HDGFL2: variants seen among roughly 807,000 people sequenced by gnomAD.
HDGFL2 encodes hepatoma-derived growth factor-related protein 2.
Under a neutral mutation model 77.1 loss-of-function variants are expected in HDGFL2, and 36 were observed. The ratio of observed to expected loss-of-function variants is 0.47; its 90% CI spans 0.36 to 0.62. The LOEUF is 0.62. HDGFL2 is among the 20% of genes least tolerant of loss of function. The pLI, the probability that HDGFL2 is intolerant of heterozygous loss-of-function variation, is 0.00. For synonymous variants in HDGFL2, 463 were observed against 413.1 expected, an observed-to-expected ratio of 1.12 and a Z score of -1.46; for missense variants, 976 against 973.4, an observed-to-expected ratio of 1.00 and a Z score of -0.04.
At chr19:4,499,143 C>T (rs966704247) in intron 13 of HDGFL2, among the ~76,000 whole-genome samples, 89 of 151,760 alleles carry the variant, frequency 5.9e-4, no homozygotes, top group Non-Finnish European at 9.1e-4. Flanking sequence ...GTCAGGAGAT[C>T]AAGACCATCC....
At chr19:4,477,547 C>T (rs1016473630) in intron 3 of HDGFL2, among the ~76,000 whole-genome samples, 1 of 152,146 alleles carries the variant, frequency 6.6e-6, no homozygotes, top group Non-Finnish European at 1.5e-5. Context: ...TTTCTGGCCC[C>T]AGGTCAAGTT....
intron 1 of HDGFL2, among the ~76,000 whole-genome samples, chr19:4,473,042 G>A (rs1442955035): frequency 6.6e-6 from 1 of 150,910 alleles, no homozygotes; most frequent in African/African-American, 2.4e-5. Context: ...GGGCCCGAGG[G>A]AGTCGCACCT....
intron 14 of HDGFL2, 126 bp downstream of exon 14, chr19:4,499,830 TC>T: frequency 1.2e-6 from 1 of 804,938 alleles, no homozygotes; most frequent in Non-Finnish European, 1.9e-6. Flanking sequence ...GAGTGTCATG[TC>T]CTGTTGGGGT....
intron 3 of HDGFL2, among the ~76,000 whole-genome samples, chr19:4,482,685 C>T (rs188291073): frequency 6.6e-6 from 1 of 152,148 alleles, no homozygotes; most frequent in South Asian, 2.1e-4. Context: ...GCTTCGAGGC[C>T]AAGACCTGCT....
chr19:4,498,675 G>A (rs963238105), intron 12 of HDGFL2, 139 bp from the exon 13 acceptor site: 17 of 637,016 alleles, frequency 2.7e-5, no homozygotes, highest in African/African-American at 1.3e-4. Flanking sequence ...TCAACTGGAC[G>A]GGGGCTGAGG....
chr19:4,498,276 G>A (rs1357471631), intron 11 of HDGFL2, 30 bp from the exon 12 acceptor site: 11 of 1,595,790 alleles, frequency 6.9e-6, no homozygotes, highest in Non-Finnish European at 9.4e-6. Context: ...CCCTGCCTGG[G>A]CCCACACGGT....
chr19:4,491,261 ACCCCCCC>A (rs1975501438), intron 4 of HDGFL2, among the ~76,000 whole-genome samples: 1 of 22,700 alleles, frequency 4.4e-5, no homozygotes, highest in Non-Finnish European at 8.6e-5. Flanking sequence ...CCACCCCCCC[ACCCCCCC>A]ACCCCCCCAC....
rs1167877092 is a variant in HDGFL2 at position 4,472,347 on chromosome 19, C to T, written c.-4C>T. The T allele has an allele frequency of 1.3e-6, 2 of 1,521,458 alleles. No individual in the cohort carries two copies. The highest frequency in any genetic ancestry group is 1.8e-6 in the Non-Finnish European group (2 of 1,136,584). The allele number at this position is 1,521,458 out of a possible 1,614,324, so 94.2% of individuals were successfully genotyped here. On this transcript the variant is annotated 5_prime_UTR_variant, in exon 1 of 16. Coordinates refer to ENST00000616600, the MANE Select transcript of HDGFL2 (RefSeq NM_001001520.3). ...TTCCGCGGCCTGGGCCTCTCGCCGT[C>T]AGCATGCCACACGCCTTCAAGCCCG...
At chr19:4,489,113 T>C (rs923638392) in intron 4 of HDGFL2, among the ~76,000 whole-genome samples, 15 of 151,612 alleles carry the variant, frequency 9.9e-5, no homozygotes, top group Non-Finnish European at 1.9e-4. Context: ...GCCACCGCAC[T>C]TGGCTAATTT....
chr19:4,475,720 C>A (rs1194756203), intron 3 of HDGFL2, 137 bp downstream of exon 3: 1 of 1,115,296 alleles, frequency 9.0e-7, no homozygotes, highest in Non-Finnish European at 1.2e-6. Flanking sequence ...CTGGGCCCTG[C>A]AGGTGCTGAG....
At chr19:4,474,728 C>T (rs76608582) in intron 1 of HDGFL2, among the ~76,000 whole-genome samples, 4 of 152,118 alleles carry the variant, frequency 2.6e-5, no homozygotes, top group African/African-American at 9.7e-5. Flanking sequence ...TAGCCCCAAA[C>T]GTTTCCAAGC....
intron 4 of HDGFL2, 131 bp from the exon 5 acceptor site, chr19:4,491,435 C>T: frequency 1.4e-6 from 1 of 714,576 alleles, no homozygotes; most frequent in Admixed American, 2.5e-5. Flanking sequence ...TGATCAGGTT[C>T]TCAGAGGGTT....
chr19:4,500,166 G>T (rs948227941), intron 14 of HDGFL2, among the ~76,000 whole-genome samples: 1 of 152,250 alleles, frequency 6.6e-6, no homozygotes, highest in Non-Finnish European at 1.5e-5. Context: ...TGGCTGTGGG[G>T]CTACTGGGCT....
At chr19:4,500,704 G>A (rs774064854) in intron 14 of HDGFL2, among the ~76,000 whole-genome samples, 4 of 151,974 alleles carry the variant, frequency 2.6e-5, no homozygotes, top group Non-Finnish European at 4.4e-5. Flanking sequence ...CTCATGATCC[G>A]CCCTCCTCGG....
At chr19:4,495,140 C>T (rs1975667258) in intron 9 of HDGFL2, among the ~76,000 whole-genome samples, 1 of 152,160 alleles carries the variant, frequency 6.6e-6, no homozygotes, top group African/African-American at 2.4e-5. Context: ...GTAATCCCAG[C>T]ACTCTGGGAG....
At chr19:4,487,544 A>G (rs936712458) in intron 3 of HDGFL2, among the ~76,000 whole-genome samples, 2 of 152,094 alleles carry the variant, frequency 1.3e-5, no homozygotes, top group Non-Finnish European at 2.9e-5. Context: ...GGCGTGAGCC[A>G]CCAGCCCTAC....
chr19:4,484,668 T>TTTTTTTA (rs2145175047), intron 3 of HDGFL2, among the ~76,000 whole-genome samples: 1 of 59,912 alleles, frequency 1.7e-5, no homozygotes, highest in East Asian at 2.8e-4. Context: ...CCTGGCTAAT[T>TTTTTTTA]TTTTTTTTTT....
rs538938630 is a variant in HDGFL2, at chr19:4,472,809, C to T, written c.72+387C>T. Among the ~76,000 whole-genome samples, 491 of 147,998 alleles carry T rather than the reference C, an allele frequency of 3.3e-3. 1 individual carries two copies. The highest frequency in any genetic ancestry group is 0.011 in the African/African-American group (439 of 39,856). ...ACCCGCCGTCTGGGCCTGCAGGAGC[C>T]CCTCCCGGGGTCTGGGGGTCCTCGG... On this transcript the variant is annotated intron_variant, in intron 1 of 15. Coordinates refer to ENST00000616600, the MANE Select transcript of HDGFL2 (RefSeq NM_001001520.3).
At chr19:4,475,042 G>GCCC (rs1240620981) in intron 1 of HDGFL2, 8 of 546,062 alleles carry the variant, frequency 1.5e-5, no homozygotes, top group Non-Finnish European at 2.6e-5. Context: ...TGGAGCACCT[G>GCCC]CCCTGGGGCC....
Sources: gnomAD v4.1 joint callset for allele counts (sites outside exome capture counted in the v4.1 genomes callset) on GRCh38, gnomAD v4.1.1 for gene constraint, MANE v1.5 for transcripts, NCBI Gene and HGNC (gene_info 2026-07-23, HGNC 2026-07-21) for gene names.